Variants in PPP1R14B observed in about 807,000 individuals in gnomAD.
The protein encoded by PPP1R14B is protein phosphatase 1 regulatory subunit 14B.
Under a neutral mutation model 14.7 loss-of-function variants are expected in PPP1R14B, and 4 were observed. That is an observed-to-expected ratio of 0.27 (90% CI 0.13 to 0.62). The LOEUF is 0.62. Among genes scored for constraint, PPP1R14B ranks in the 20% least tolerant of loss-of-function variants. PPP1R14B has a pLI of 0.85. For synonymous variants in PPP1R14B, 76 were observed against 87.3 expected (o/e 0.87, Z 0.72); for missense variants, 138 against 201.5 (o/e 0.68, Z 1.91).
In PPP1R14B at chr11:64,245,199, C is replaced by T. The variant is rs1424521431; in HGVS notation, c.342+5G>A. 15 of 1,613,014 alleles carry T rather than the reference C, an allele frequency of 9.3e-6. No individual in the cohort carries two copies. The highest frequency in any genetic ancestry group is 1.3e-5 in the African/African-American group (1 of 74,918). Reference sequence around the variant, plus strand: ...AGGCAACCCATCGCCCCCCAGCCCCCTCACCTTGACCCTGGCAGCCCGGGC... The same window carrying T: ...AGGCAACCCATCGCCCCCCAGCCCCTTCACCTTGACCCTGGCAGCCCGGGC... On this transcript the variant is annotated splice_donor_5th_base_variant and intron_variant, in intron 2 of 3. Coordinates refer to ENST00000309318, the MANE Select transcript of PPP1R14B (RefSeq NM_138689.3).
chr11:64,245,349 G>A (rs747607822), intron 1 of PPP1R14B, 62 bp from the exon 2 acceptor site: 6 of 1,457,972 alleles, frequency 4.1e-6, no homozygotes, highest in Middle Eastern at 1.8e-4. Context: ...GGGTGTGAGA[G>A]GGGCTCTGGG....
At chr11:64,245,176 G>A (rs375523665) in intron 2 of PPP1R14B, 28 bp downstream of exon 2, 6 of 1,606,376 alleles carry the variant, frequency 3.7e-6, no homozygotes, top group African/African-American at 1.3e-5. Flanking sequence ...AGTGCCTCAG[G>A]CAACCCATCG....
chr11:64,245,586 A>G, intron 1 of PPP1R14B: 1 of 388,170 alleles, frequency 2.6e-6, no homozygotes, highest in Non-Finnish European at 4.6e-6. Context: ...GTGTCTCCCC[A>G]ACATCCGGGC....
rs980125274 is a variant in PPP1R14B at position 64,246,737 on chromosome 11, C to G, written c.-64G>C. The G allele has an allele frequency of 1.0e-6, 1 of 994,084 alleles. No homozygotes were observed. The highest frequency in any genetic ancestry group is 1.8e-5 in the African/African-American group (1 of 56,968). 61.6% of individuals were successfully genotyped at this position (994,084 alleles called of 1,614,324 possible). The stretch of plus-strand genomic sequence containing the variant: ...CCTGCGCCACCGCCTCCGGGACGCC[C>G]GCCGGCTGGCTCGGGTTAGCTCGCC... On this transcript the variant is annotated 5_prime_UTR_variant, in exon 1 of 4. Coordinates refer to ENST00000309318, the MANE Select transcript of PPP1R14B (RefSeq NM_138689.3).
rs777770780 is a variant in PPP1R14B at position 64,246,434 on chromosome 11, C to T, written c.240G>A (p.Thr80=). Residue 80 remains threonine (T), a synonymous_variant, in exon 1 of 4, where the codon ACG becomes ACA. Coordinates refer to ENST00000309318, the MANE Select transcript of PPP1R14B (RefSeq NM_138689.3). The stretch of plus-strand genomic sequence containing the variant: ...AACACACCTGGCAGTCGTAGAGGCG[C>T]GTGAGCTGCTCCAGGATCCACTCCT... The part of the protein sequence containing the change: ...NLEEWILEQL[T]RLYDCQEEEI... 21 of 1,608,602 alleles carry T rather than the reference C, an allele frequency of 1.3e-5. No individual in the cohort carries two copies. Among genetic ancestry groups the T allele is most frequent in the Non-Finnish European group, 1.8e-5 (21 of 1,178,508 alleles).
Position 64,244,723 on chromosome 11 carries a change from G to T in PPP1R14B, c.*31C>A, listed in dbSNP as rs1232674772. ...GGTTGGGGGGCAGCGATTGTCCTGTGGGAGCCACCGTTCTCCTGGGTCGGG... is the reference window on the plus strand; with the variant it reads ...GGTTGGGGGGCAGCGATTGTCCTGTTGGAGCCACCGTTCTCCTGGGTCGGG... On this transcript the variant is annotated 3_prime_UTR_variant, in exon 4 of 4. Coordinates refer to ENST00000309318, the MANE Select transcript of PPP1R14B (RefSeq NM_138689.3). The T allele has an allele frequency of 3.7e-6, 6 of 1,610,050 alleles. No homozygotes were observed. The highest frequency in any genetic ancestry group is 5.1e-6 in the Non-Finnish European group (6 of 1,177,810).
intron 1 of PPP1R14B, 116 bp from the exon 2 acceptor site, chr11:64,245,403 G>T: frequency 2.4e-6 from 2 of 827,394 alleles, no homozygotes; most frequent in Non-Finnish European, 3.9e-6. Flanking sequence ...CCTCTGCCCA[G>T]CAGACAGAAC....
chr11:64,245,468 A>C, intron 1 of PPP1R14B, 181 bp from the exon 2 acceptor site: 1 of 262,512 alleles, frequency 3.8e-6, no homozygotes, highest in Non-Finnish European at 6.4e-6. Context: ...CAAACTGCCC[A>C]AAGCGGGGTG....
At position 64,245,235 on chromosome 11, in the gene PPP1R14B, T is replaced by TC; in HGVS notation, c.310dup (p.Glu104GlyfsTer3). On this transcript the variant is annotated frameshift_variant, in exon 2 of 4. Coordinates refer to ENST00000309318, the MANE Select transcript of PPP1R14B (RefSeq NM_138689.3). LOFTEE classifies it high-confidence loss of function. ...CCTGGCAGCCCGGGCATCGTCACTC[T>TC]CCATGTCCAGGAGCTCATCCACGTC... 6.2e-7 allele frequency: 1 copy of TC among 1,612,866 alleles called. No homozygotes were observed. Among genetic ancestry groups the TC allele is most frequent in the Non-Finnish European group, 8.5e-7 (1 of 1,179,488 alleles).
chr11:64,245,489 C>A, intron 1 of PPP1R14B: 1 of 477,664 alleles, frequency 2.1e-6, no homozygotes, highest in Non-Finnish European at 3.7e-6. Flanking sequence ...GGGGGGGGAG[C>A]TTCCTGTCCC....
chr11:64,244,759 T>A lies in PPP1R14B; in HGVS notation c.439A>T (p.Lys147Ter), dbSNP rs1168107120. 8 of 1,613,338 alleles carry A rather than the reference T, an allele frequency of 5.0e-6. No individual in the cohort carries two copies. The highest frequency in any genetic ancestry group is 4.2e-6 in the Non-Finnish European group (5 of 1,179,806). Residue 147 changes from lysine to a stop codon, truncating the protein, a stop_gained, in exon 4 of 4, where the codon AAG (lysine) becomes TAG (stop). Coordinates refer to ENST00000309318, the MANE Select transcript of PPP1R14B (RefSeq NM_138689.3). LOFTEE classifies it high-confidence loss of function. ...TTCTCCTGGGTCGGGGACCGTCACT[T>A]CTTCTGGGGTGTGCTCAGCTTCTGC... ...GMQKLSTPQK[K>*]
rs2030837379 is a variant in PPP1R14B, at chr11:64,245,408, CAG to C, written c.259-123_259-122del. The C allele has an allele frequency of 1.8e-5, 14 of 773,540 alleles. No individual in the cohort carries two copies. In the South Asian group the frequency reaches 2.3e-4, roughly 12 times the overall value. 47.9% of individuals were successfully genotyped at this position (773,540 alleles called of 1,614,324 possible). On this transcript the variant is annotated intron_variant, in intron 1 of 3. Coordinates refer to ENST00000309318, the MANE Select transcript of PPP1R14B (RefSeq NM_138689.3). Reference sequence around the variant, plus strand: ...GGAACCCAGCCCTCTGCCCAGCAGACAGAACAGCAGCTGCTCTGGGGAGGAAA... The same window carrying C: ...GGAACCCAGCCCTCTGCCCAGCAGACAACAGCAGCTGCTCTGGGGAGGAAA...
chr11:64,246,701 T>C lies in PPP1R14B; in HGVS notation c.-28A>G. 9.6e-7 allele frequency: 1 copy of C among 1,044,978 alleles called. No homozygotes were observed. Among genetic ancestry groups the C allele is most frequent in the Non-Finnish European group, 1.1e-6 (1 of 870,462 alleles). 64.7% of individuals were successfully genotyped at this position (1,044,978 alleles called of 1,614,324 possible). On this transcript the variant is annotated 5_prime_UTR_variant, in exon 1 of 4. Transcript: ENST00000309318. ...CGGCCGCCGGGGCCACGTGCGAGCG[T>C]CGGGCCCCTCCCTGCGCCACCGCCT...
At position 64,244,597 on chromosome 11, in the gene PPP1R14B, T is replaced by A. The variant is rs545486986; in HGVS notation, c.*157A>T. The A allele has an allele frequency of 5.4e-4, 766 of 1,417,232 alleles. 1 individual carries two copies. The highest frequency in any genetic ancestry group is 1.3e-3 in the Middle Eastern group (5 of 3,836). The allele number at this position is 1,417,232 out of a possible 1,614,324, so 87.8% of individuals were successfully genotyped here. Reference sequence around the variant, plus strand: ...ATAAAAAACCCCAAAAGTGGAAAACTGAGGGGGCAGGGGAAGAGACCCCTG... The same window carrying A: ...ATAAAAAACCCCAAAAGTGGAAAACAGAGGGGGCAGGGGAAGAGACCCCTG... On this transcript the variant is annotated 3_prime_UTR_variant, in exon 4 of 4. Transcript: ENST00000309318.
At chr11:64,245,095 A>T in intron 2 of PPP1R14B, 109 bp downstream of exon 2, 1 of 1,465,444 alleles carries the variant, frequency 6.8e-7, no homozygotes, top group Non-Finnish European at 9.3e-7. Context: ...ACAGCTAGGC[A>T]TTGGCCCCAT....
rs369471333 is a variant in PPP1R14B at position 64,245,298 on chromosome 11, G to C, written c.259-11C>G. 1 of 1,600,818 alleles carries C rather than the reference G, an allele frequency of 6.2e-7. No homozygotes were observed. Among genetic ancestry groups the C allele is most frequent in the African/African-American group, 1.3e-5 (1 of 74,762 alleles). On this transcript the variant is annotated splice_polypyrimidine_tract_variant and intron_variant, in intron 1 of 3. Coordinates refer to ENST00000309318, the MANE Select transcript of PPP1R14B (RefSeq NM_138689.3). ...TGGGATCTCCTCTTCCTGGGGTGGG[G>C]GTGGGGGAGGAGGGAGAGACATAAG...
Position 64,246,619 on chromosome 11 carries a change from G to C in PPP1R14B, c.55C>G (p.Pro19Ala), listed in dbSNP as rs1287964946. The change falls in exon 1 of 4, where the codon CCG becomes GCG. Residue 19 changes from proline to alanine, a missense_variant. Pro to Ala is a conservative substitution (Grantham distance 27). Transcript: ENST00000309318. ...CGTGGTCCTGGGCCGCCACTGCCCG[G>C]CCCGGGGGCCGGGGCCGCCAACGCC... The part of the protein sequence containing the change: ...GAALAAPAPG[P>A]GSGGPGPRVY... 2.9e-6 allele frequency: 4 copies of C among 1,361,200 alleles called. No homozygotes were observed. The highest frequency in any genetic ancestry group is 1.5e-5 in the African/African-American group (1 of 65,684). 84.3% of individuals were successfully genotyped at this position (1,361,200 alleles called of 1,614,324 possible).
At position 64,246,705 on chromosome 11, in the gene PPP1R14B, G is replaced by A; in HGVS notation, c.-32C>T. The A allele has an allele frequency of 9.7e-7, 1 of 1,030,564 alleles. No homozygotes were observed. The highest frequency in any genetic ancestry group is 1.2e-6 in the Non-Finnish European group (1 of 861,318). 63.8% of individuals were successfully genotyped at this position (1,030,564 alleles called of 1,614,324 possible). ...CGCCGGGGCCACGTGCGAGCGTCGG[G>A]CCCCTCCCTGCGCCACCGCCTCCGG... On this transcript the variant is annotated 5_prime_UTR_variant, in exon 1 of 4. Coordinates refer to ENST00000309318, the MANE Select transcript of PPP1R14B (RefSeq NM_138689.3).
intron 3 of PPP1R14B, 49 bp from the exon 4 acceptor site, chr11:64,244,871 A>G: frequency 2.5e-6 from 4 of 1,612,792 alleles, no homozygotes; most frequent in Non-Finnish European, 8.5e-7. Flanking sequence ...CCCCAAGATG[A>G]CAGGAGCCGG....
Sources: gnomAD v4.1 joint callset for allele counts on GRCh38, gnomAD v4.1.1 for gene constraint, MANE v1.5 for transcripts, NCBI Gene and HGNC (gene_info 2026-07-23, HGNC 2026-07-21) for gene names.